The following EPYC variants were observed in gnomAD, a reference collection of about 807,000 sequenced individuals.
EPYC encodes the protein dermatan sulfate proteoglycan 3.
Under a neutral mutation model 30.1 loss-of-function variants are expected in EPYC, and 28 were observed. That is an observed-to-expected ratio of 0.93 (90% CI 0.69 to 1.28). The LOEUF (loss-of-function observed/expected upper bound fraction) is 1.28. Ranked by LOEUF, EPYC falls within the 50% of genes most tolerant of loss-of-function variation. The probability of loss-of-function intolerance (pLI) is 0.00; values close to 1 mark genes in which losing one functional copy is unlikely to be tolerated. For missense variants in EPYC, 382 were observed against 383.5 expected, an observed-to-expected ratio of 1.00 and a Z score of 0.03; for synonymous variants, 144 against 141.4, an observed-to-expected ratio of 1.02 and a Z score of -0.13.
chr12:90,995,035 T>C (rs1425810962), intron 2 of EPYC, among the ~76,000 whole-genome samples: 1 of 152,132 alleles, frequency 6.6e-6, no homozygotes, highest in Non-Finnish European at 1.5e-5. Context: ...TTTTATGGGT[T>C]TAACATACTG....
intron 6 of EPYC, 23 bp from the exon 7 acceptor site, chr12:90,964,349 A>G: frequency 6.4e-7 from 1 of 1,550,550 alleles, no homozygotes; most frequent in South Asian, 1.1e-5. Context: ...AAAATAAATT[A>G]TGACAAGATA....
intron 2 of EPYC, among the ~76,000 whole-genome samples, chr12:90,991,216 C>CTA (rs1308661626): frequency 1.3e-5 from 2 of 152,092 alleles, no homozygotes; most frequent in Admixed American, 1.3e-4. Flanking sequence ...ATATTCATGC[C>CTA]TATATGTGTA....
intron 6 of EPYC, among the ~76,000 whole-genome samples, chr12:90,965,202 T>G (rs1479845732): frequency 6.6e-6 from 1 of 152,196 alleles, no homozygotes; most frequent in Non-Finnish European, 1.5e-5. Flanking sequence ...TCTTTTTTGT[T>G]GTCCAATACT....
At chr12:90,969,167 T>C (rs906029747) in intron 6 of EPYC, among the ~76,000 whole-genome samples, 5 of 151,866 alleles carry the variant, frequency 3.3e-5, no homozygotes, top group African/African-American at 7.2e-5. Flanking sequence ...GGAATTCATG[T>C]CCAGCTCTTA....
intron 2 of EPYC, 96 bp from the exon 3 acceptor site, chr12:90,978,358 C>T: frequency 1.7e-6 from 2 of 1,206,544 alleles, no homozygotes; most frequent in South Asian, 1.5e-5. Flanking sequence ...ATATTTGCCA[C>T]AAGAGGACAC....
chr12:90,994,322 C>T (rs1239588169), intron 2 of EPYC, among the ~76,000 whole-genome samples: 8 of 152,130 alleles, frequency 5.3e-5, no homozygotes, highest in Non-Finnish European at 1.2e-4. Context: ...AAGTTACTTG[C>T]ATTTATTAAA....
intron 2 of EPYC, among the ~76,000 whole-genome samples, chr12:90,979,530 C>A (rs1265316880): frequency 6.6e-6 from 1 of 152,072 alleles, no homozygotes; most frequent in Non-Finnish European, 1.5e-5. Context: ...TTTAATATCA[C>A]TTATAATAGA....
intron 3 of EPYC, among the ~76,000 whole-genome samples, chr12:90,976,310 A>G (rs1877178964): frequency 6.6e-6 from 1 of 152,134 alleles, no homozygotes; most frequent in African/African-American, 2.4e-5. Context: ...AGAGAAAAAA[A>G]TGCATGAACT....
intron 1 of EPYC, 96 bp from the exon 2 acceptor site, chr12:91,002,674 A>C: frequency 1.1e-6 from 1 of 935,292 alleles, no homozygotes; most frequent in Non-Finnish European, 1.6e-6. Flanking sequence ...AATATCAAAG[A>C]ACTCAAGCTG....
At chr12:91,003,480 A>T (rs1877878625) in intron 1 of EPYC, among the ~76,000 whole-genome samples, 1 of 151,892 alleles carries the variant, frequency 6.6e-6, no homozygotes, top group African/African-American at 2.4e-5. Context: ...CACAATTCTT[A>T]TTTTCCATTA....
intron 2 of EPYC, among the ~76,000 whole-genome samples, chr12:90,989,244 T>C (rs1234989302): frequency 6.6e-6 from 1 of 152,068 alleles, no homozygotes; most frequent in Non-Finnish European, 1.5e-5. Flanking sequence ...TCTGATTTCT[T>C]TTTTATAAAC....
At position 90,989,589 on chromosome 12, in the gene EPYC, C is replaced by A. The variant is rs1318703193; in HGVS notation, c.166-11327G>T. 2.0e-5 allele frequency among the ~76,000 whole-genome samples: 3 copies of A among 151,888 alleles called. No individual in the cohort carries two copies. The East Asian group carries it at 5.8e-4, about 29-fold the overall frequency. On this transcript the variant is annotated intron_variant, in intron 2 of 6. Coordinates refer to ENST00000261172, the MANE Select transcript of EPYC (RefSeq NM_004950.5). Reference sequence around the variant, plus strand: ...CTCTAAAAGATAATGCTTACTCATACACAATGCAATGTTTAAGTGAAAAAT... The same window carrying A: ...CTCTAAAAGATAATGCTTACTCATAAACAATGCAATGTTTAAGTGAAAAAT...
intron 3 of EPYC, among the ~76,000 whole-genome samples, chr12:90,977,566 G>A (rs369797906): frequency 1.3e-5 from 2 of 152,048 alleles, no homozygotes; most frequent in East Asian, 1.9e-4. Context: ...TATCCCCTTT[G>A]AATTATGGTT....
At chr12:90,977,510 G>A (rs567479988) in intron 3 of EPYC, among the ~76,000 whole-genome samples, 1 of 152,074 alleles carries the variant, frequency 6.6e-6, no homozygotes, top group East Asian at 1.9e-4. Context: ...GAACAGGCTG[G>A]CTTCAAACCT....
At position 90,964,196 on chromosome 12, in the gene EPYC, T is replaced by A. The variant is rs1263148791; in HGVS notation, c.929A>T (p.Tyr310Phe). 1 of 1,613,174 alleles carries A rather than the reference T, an allele frequency of 6.2e-7. No homozygotes were observed. The highest frequency in any genetic ancestry group is 1.3e-5 in the African/African-American group (1 of 74,890). Residue 310 changes from tyrosine to phenylalanine, a missense_variant, in exon 7 of 7, where the codon TAC (tyrosine) becomes TTC (phenylalanine). By Grantham distance (22) the Tyr-to-Phe change is conservative. Coordinates refer to ENST00000261172, the MANE Select transcript of EPYC (RefSeq NM_004950.5). ...PINLSKTPQA[Y>F]MCLPRLPVGS... Reference sequence around the variant, plus strand: ...AACAGGCAGACGAGGTAGACACATGTATGCTTGAGGAGTTTTGCTGAGATT... The same window carrying A: ...AACAGGCAGACGAGGTAGACACATGAATGCTTGAGGAGTTTTGCTGAGATT...
intron 2 of EPYC, among the ~76,000 whole-genome samples, chr12:90,987,123 G>A (rs1252725485): frequency 6.6e-6 from 1 of 152,082 alleles, no homozygotes; most frequent in African/African-American, 2.4e-5. Context: ...TCTTGGACAA[G>A]CACTGTCATT....
rs192456278 is a variant in EPYC, at chr12:90,971,435, C to T, written c.702+365G>A. ...CTATAATCCCAGTACTTTGGGAGGC[C>T]GAAGCGGGAGGATCACTGGAGCCCA... On this transcript the variant is annotated intron_variant, in intron 5 of 6. Coordinates refer to ENST00000261172, the MANE Select transcript of EPYC (RefSeq NM_004950.5). Among the ~76,000 whole-genome samples, 485 of 152,040 alleles carry T rather than the reference C, an allele frequency of 3.2e-3. 4 individuals are homozygous for T. The highest frequency in any genetic ancestry group is 0.011 in the African/African-American group (443 of 41,454).
chr12:90,999,665 A>G (rs1877775827), intron 2 of EPYC, among the ~76,000 whole-genome samples: 1 of 152,130 alleles, frequency 6.6e-6, no homozygotes, highest in African/African-American at 2.4e-5. Context: ...TGAGATAAAT[A>G]TGCTTACCAC....
rs141860012 is a variant in EPYC at position 90,977,588 on chromosome 12, A to T, written c.340+500T>A. ...TTTGAATTATGGTTTTCTCCATGATAATGAGAAGAGTAATATTAACACTCT... is the reference window on the plus strand; with the variant it reads ...TTTGAATTATGGTTTTCTCCATGATTATGAGAAGAGTAATATTAACACTCT... On this transcript the variant is annotated intron_variant, in intron 3 of 6. Coordinates refer to ENST00000261172, the MANE Select transcript of EPYC (RefSeq NM_004950.5). Among the ~76,000 whole-genome samples, 630 of 152,268 alleles carry T rather than the reference A, an allele frequency of 4.1e-3. 9 individuals carry two copies. Among genetic ancestry groups the T allele is most frequent in the African/African-American group, 0.014 (593 of 41,578 alleles).
Sources: allele counts gnomAD v4.1 joint callset (sites outside exome capture counted in the v4.1 genomes callset), GRCh38; gene constraint gnomAD v4.1.1; transcripts MANE v1.5; gene names NCBI Gene and HGNC (gene_info 2026-07-23, HGNC 2026-07-21).